Variants in SYNRG observed in about 807,000 individuals in gnomAD.
SYNRG encodes AP1 gamma subunit binding protein 1.
In SYNRG, 37 loss-of-function variants were observed where a neutral mutation model predicts 130.9. That is an observed-to-expected ratio of 0.28 (90% confidence interval 0.22 to 0.37). SYNRG has a LOEUF of 0.37. Among genes scored for constraint, SYNRG ranks in the 10% least tolerant of loss-of-function variants. The probability of loss-of-function intolerance (pLI) is 1.00; values close to 1 mark genes in which losing one functional copy is unlikely to be tolerated. For missense variants in SYNRG, 1,338 were observed against 1,588.9 expected (o/e 0.84, Z 2.68); for synonymous variants, 539 against 568.1 (o/e 0.95, Z 0.73).
At chr17:37,541,929 G>A in intron 15 of SYNRG, 43 bp downstream of exon 15, 1 of 1,553,276 alleles carries the variant, frequency 6.4e-7, no homozygotes, top group Non-Finnish European at 8.8e-7. Flanking sequence ...CATCTCAGTG[G>A]AAAAAAACCA....
chr17:37,592,843 C>T (rs1344876160), intron 3 of SYNRG, among the ~76,000 whole-genome samples: 1 of 152,164 alleles, frequency 6.6e-6, no homozygotes, highest in Non-Finnish European at 1.5e-5. Flanking sequence ...TGTATCTCAG[C>T]TGTGCCAATG....
chr17:37,608,775 T>TA (rs1421134825), intron 1 of SYNRG, among the ~76,000 whole-genome samples: 1 of 152,014 alleles, frequency 6.6e-6, no homozygotes, highest in Non-Finnish European at 1.5e-5. Flanking sequence ...GTTAAGGAAA[T>TA]AAAGAGGACA....
At chr17:37,567,147 T>C (rs765417708) in intron 11 of SYNRG, 10 of 152,246 alleles carry the variant, frequency 6.6e-5, no homozygotes, top group Non-Finnish European at 1.0e-4. Flanking sequence ...TGAAAGAACA[T>C]GGTCAGTTTG....
At chr17:37,597,061 G>A (rs1246828200) in intron 2 of SYNRG, among the ~76,000 whole-genome samples, 1 of 152,182 alleles carries the variant, frequency 6.6e-6, no homozygotes, top group East Asian at 1.9e-4. Flanking sequence ...GTTCTTAAAA[G>A]ACACTGTAGT....
In SYNRG at chr17:37,570,682, T is replaced by C; in HGVS notation, c.1302A>G (p.Ala434=). 1.2e-6 allele frequency: 2 copies of C among 1,614,208 alleles called. No homozygotes were observed. Among genetic ancestry groups the C allele is most frequent in the Non-Finnish European group, 1.7e-6 (2 of 1,180,030 alleles). ...GTATGAAACCACTAGAAGCCTGGGCTGCAGCTCCACCCACTGGTCCAACAA... is the reference window on the plus strand; with the variant it reads ...GTATGAAACCACTAGAAGCCTGGGCCGCAGCTCCACCCACTGGTCCAACAA... The part of the protein sequence containing the change: ...INLVGPVGGA[A]AQASSGFIPT... Residue 434 remains alanine (A), a synonymous_variant, in exon 10 of 22, where the codon GCA becomes GCG. Transcript: ENST00000612223.
In SYNRG at chr17:37,561,225, G is replaced by A; in HGVS notation, c.1633C>T (p.Leu545Phe). Reference protein sequence around the residue: ...PGDKYSAFRELEQTAENKPLG... With the variant: ...PGDKYSAFREFEQTAENKPLG... ...GGTTTATTCTCTGCTGTCTGTTCAA[G>A]TTCTCTGAAAGCACTATATTTATCA... Residue 545 changes from leucine to phenylalanine, a missense_variant, in exon 13 of 22, where the codon CTT (leucine) becomes TTT (phenylalanine). Leu to Phe is a conservative substitution (Grantham distance 22, BLOSUM62 0). Around this residue, in one of 3 missense-constraint regions of SYNRG, gnomAD observed 1,146 missense variants for 1,342.3 expected, o/e 0.85. Coordinates refer to ENST00000612223, the MANE Select transcript of SYNRG (RefSeq NM_007247.6). The A allele has an allele frequency of 6.2e-7, 1 of 1,613,834 alleles. No homozygotes were observed. Among genetic ancestry groups the A allele is most frequent in the Non-Finnish European group, 8.5e-7 (1 of 1,179,920 alleles).
chr17:37,529,040 C>A (rs2056302295), intron 19 of SYNRG, among the ~76,000 whole-genome samples: 1 of 152,184 alleles, frequency 6.6e-6, no homozygotes, highest in African/African-American at 2.4e-5. Flanking sequence ...AAGATTAATT[C>A]ATCTCTATAA....
chr17:37,551,828 TCAAA>T (rs2058728182), intron 14 of SYNRG, among the ~76,000 whole-genome samples: 1 of 120,160 alleles, frequency 8.3e-6, no homozygotes, highest in Non-Finnish European at 1.7e-5. Flanking sequence ...AATCACTCTA[TCAAA>T]CAAACAGCAG....
intron 13 of SYNRG, among the ~76,000 whole-genome samples, chr17:37,555,013 C>G (rs1023198324): frequency 6.6e-6 from 1 of 152,012 alleles, no homozygotes; most frequent in Non-Finnish European, 1.5e-5. Flanking sequence ...TCCTGAGAAA[C>G]ATGTGTCTCA....
At chr17:37,542,897 A>G (rs1292630845) in intron 14 of SYNRG, among the ~76,000 whole-genome samples, 2 of 152,230 alleles carry the variant, frequency 1.3e-5, no homozygotes, top group African/African-American at 2.4e-5. Context: ...TCCCTTATCA[A>G]CTTAAAAATG....
At chr17:37,541,824 T>C (rs934369428) in intron 15 of SYNRG, 148 bp downstream of exon 15, 1 of 771,006 alleles carries the variant, frequency 1.3e-6, no homozygotes, top group Non-Finnish European at 2.1e-6. Flanking sequence ...GAAATCTTTA[T>C]TATAGCTATC....
intron 19 of SYNRG, among the ~76,000 whole-genome samples, chr17:37,528,358 T>G (rs926287229): frequency 6.6e-6 from 1 of 152,188 alleles, no homozygotes; most frequent in African/African-American, 2.4e-5. Context: ...ATCATGTGAT[T>G]ACATGGGGTT....
At chr17:37,537,320 G>C (rs1027394394) in intron 18 of SYNRG, 1 of 152,318 alleles carries the variant, frequency 6.6e-6, no homozygotes, top group African/African-American at 2.4e-5. Flanking sequence ...TCTAGTGAAG[G>C]GAGACAGAGA....
chr17:37,583,137 C>T (rs1370616233), intron 6 of SYNRG, among the ~76,000 whole-genome samples: 3 of 151,802 alleles, frequency 2.0e-5, no homozygotes, highest in Non-Finnish European at 4.4e-5. Context: ...ATTATAGGGA[C>T]GTGCCACCAT....
At chr17:37,581,444 A>G (rs983839888) in intron 6 of SYNRG, among the ~76,000 whole-genome samples, 15 of 148,876 alleles carry the variant, frequency 1.0e-4, no homozygotes, top group Non-Finnish European at 2.2e-4. Flanking sequence ...CGCCCGGCTA[A>G]TTTTTGTATT....
rs2058862532 is a variant in SYNRG at position 37,553,508 on chromosome 17, T to G, written c.2215A>C (p.Thr739Pro). The G allele has an allele frequency of 6.2e-7, 1 of 1,614,170 alleles. No homozygotes were observed. Among genetic ancestry groups the G allele is most frequent in the Non-Finnish European group, 8.5e-7 (1 of 1,180,026 alleles). The change falls in exon 14 of 22, where the codon ACT becomes CCT. Residue 739 changes from threonine (T) to proline (P), a missense_variant. Thr to Pro is a conservative substitution (Grantham distance 38, BLOSUM62 -1). This residue lies in a region of SYNRG where 1,146 missense variants were observed against 1,342.3 expected (regional missense o/e 0.85). Transcript: ENST00000612223. ...ACATCGTACTTGGTAGACGCAGCAG[T>G]CGAGTTTTGTCCACCCTTCACTGTG... ...GSTVKGGQNSTAASTKYDVFR... is the reference protein window; with the variant it reads ...GSTVKGGQNSPAASTKYDVFR...
At chr17:37,566,877 A>G (rs1270281631) in intron 11 of SYNRG, 1 of 152,234 alleles carries the variant, frequency 6.6e-6, no homozygotes, top group Non-Finnish European at 1.5e-5. Flanking sequence ...TATTAATTAC[A>G]TATGATGGGG....
intron 3 of SYNRG, 114 bp from the exon 4 acceptor site, chr17:37,586,663 A>G: frequency 8.3e-7 from 1 of 1,202,446 alleles, no homozygotes; most frequent in Non-Finnish European, 1.2e-6. Context: ...AAAAATAGAA[A>G]TATATTGGAT....
intron 13 of SYNRG, among the ~76,000 whole-genome samples, chr17:37,559,667 T>C (rs147228309): frequency 3.5e-4 from 53 of 152,200 alleles, no homozygotes; most frequent in Non-Finnish European, 6.5e-4. Context: ...TCTAGCCTGG[T>C]TGACAAAAAT....
Sources: gnomAD v4.1 joint callset for allele counts (sites outside exome capture counted in the v4.1 genomes callset) on GRCh38, gnomAD v4.1.1 for gene constraint, gnomAD v4.1.1 regional missense constraint, MANE v1.5 for transcripts, NCBI Gene and HGNC (gene_info 2026-07-23, HGNC 2026-07-21) for gene names.